ZPBP: variants seen among roughly 807,000 people sequenced by gnomAD.
ZPBP encodes zona pellucida binding protein.
A neutral mutation model predicts 44.8 loss-of-function variants in ZPBP; 26 were observed. The ratio of observed to expected loss-of-function variants is 0.58; its 90% CI spans 0.43 to 0.81. The LOEUF (loss-of-function observed/expected upper bound fraction) is 0.81, where lower values mean the gene tolerates loss of function less well. Among genes scored for constraint, ZPBP ranks in the 30% least tolerant of loss-of-function variants. ZPBP has a pLI of 0.00. For missense variants in ZPBP, 409 were observed against 434.0 expected (o/e 0.94, Z 0.51); for synonymous variants, 174 against 153.2 (o/e 1.14, Z -1.00).
chr7:49,958,815 C>G (rs1011523045), intron 7 of ZPBP, among the ~76,000 whole-genome samples: 4 of 152,144 alleles, frequency 2.6e-5, no homozygotes, highest in Non-Finnish European at 5.9e-5. Flanking sequence ...TAATATCAAT[C>G]CTATAGAAGC....
intron 1 of ZPBP, among the ~76,000 whole-genome samples, chr7:49,922,400 A>T (rs2128747615): frequency 6.6e-6 from 1 of 152,316 alleles, no homozygotes; most frequent in East Asian, 1.9e-4. Flanking sequence ...AAAACCAAAA[A>T]GTATTTTTTC....
intron 6 of ZPBP, among the ~76,000 whole-genome samples, chr7:50,006,515 G>A (rs922099961): frequency 1.1e-4 from 17 of 151,956 alleles, no homozygotes; most frequent in Non-Finnish European, 1.8e-4. Context: ...AAACACAAAA[G>A]GGTCAGAGAA....
intron 4 of ZPBP, among the ~76,000 whole-genome samples, chr7:50,041,194 A>C (rs1326224331): frequency 6.6e-6 from 1 of 152,182 alleles, no homozygotes; most frequent in African/African-American, 2.4e-5. Flanking sequence ...TCTCCCTGGG[A>C]CAGAGCACCT....
intron 5 of ZPBP, among the ~76,000 whole-genome samples, chr7:50,025,672 C>T (rs1911770): frequency 0.5 from 75,222 of 151,470 alleles, 19,284 homozygotes; most frequent in East Asian, 0.67. Flanking sequence ...AACTGGAAAG[C>T]TGGAAACAAA....
In ZPBP at chr7:49,888,276, T is replaced by C. The variant is rs187177444; in HGVS notation, n.509+12842A>G. Reference sequence around the variant, plus strand: ...GGTTTAATCCTGCTCCTAATTCTACTTTTCCTTATTTGTTCACAGTAACTT... The same window carrying C: ...GGTTTAATCCTGCTCCTAATTCTACCTTTCCTTATTTGTTCACAGTAACTT... On this transcript the variant is annotated intron_variant and non_coding_transcript_variant, in intron 2 of 2. Coordinates refer to the ZPBP transcript ENST00000465922. Among the ~76,000 whole-genome samples, 5 of 152,350 alleles carry C rather than the reference T, an allele frequency of 3.3e-5. No individual in the cohort carries two copies. In the East Asian group the frequency reaches 9.6e-4, roughly 29 times the overall value.
intron 7 of ZPBP, among the ~76,000 whole-genome samples, chr7:49,939,708 G>T (rs1367204257): frequency 6.6e-6 from 1 of 151,952 alleles, no homozygotes; most frequent in Non-Finnish European, 1.5e-5. Flanking sequence ...TAAAAGTAAC[G>T]ATTGTGTAAA....
chr7:49,904,679 C>T lies in ZPBP; in HGVS notation n.412-3464G>A, dbSNP rs539931153. The stretch of plus-strand genomic sequence containing the variant: ...AACTTACCTATTACAAGAGCAGTAA[C>T]TTTACATCATAACTAAATATTTGAA... On this transcript the variant is annotated intron_variant and non_coding_transcript_variant, in intron 1 of 2. Transcript: ENST00000465922. Among the ~76,000 whole-genome samples the T allele has an allele frequency of 1.7e-4, 26 of 151,664 alleles. No individual in the cohort carries two copies. In the South Asian group the frequency reaches 5.0e-3, roughly 29 times the overall value.
At chr7:49,954,608 C>A (rs1007415232) in intron 7 of ZPBP, among the ~76,000 whole-genome samples, 3 of 152,010 alleles carry the variant, frequency 2.0e-5, no homozygotes, top group African/African-American at 7.2e-5. Context: ...ACAAAATAGG[C>A]TTCAATGTAA....
intron 7 of ZPBP, among the ~76,000 whole-genome samples, chr7:49,972,426 G>A (rs1796337477): frequency 6.6e-6 from 1 of 151,962 alleles, no homozygotes; most frequent in Non-Finnish European, 1.5e-5. Context: ...AACAACAGCT[G>A]CATTTCTGTA....
At chr7:50,030,485 C>A (rs1799554685) in intron 5 of ZPBP, among the ~76,000 whole-genome samples, 1 of 141,344 alleles carries the variant, frequency 7.1e-6, no homozygotes. Context: ...ACTCTGATAG[C>A]AGAGAAATAA....
At chr7:50,014,951 GAA>G (rs1227695558) in intron 6 of ZPBP, among the ~76,000 whole-genome samples, 1 of 152,090 alleles carries the variant, frequency 6.6e-6, no homozygotes, top group Non-Finnish European at 1.5e-5. Flanking sequence ...TACTAAAGTT[GAA>G]AGGCAAATGA....
intron 2 of ZPBP, among the ~76,000 whole-genome samples, chr7:49,898,135 A>ATG (rs1189734778): frequency 1.3e-5 from 2 of 151,396 alleles, no homozygotes; most frequent in African/African-American, 2.4e-5. Flanking sequence ...GTGTGTATGT[A>ATG]TGTGTGTGTG....
chr7:49,957,471 C>T (rs1795658635), intron 7 of ZPBP, among the ~76,000 whole-genome samples: 1 of 152,136 alleles, frequency 6.6e-6, no homozygotes, highest in Non-Finnish European at 1.5e-5. Context: ...GGTCTCTGTT[C>T]CCTGCATTCT....
At chr7:49,965,344 G>A (rs915389524) in intron 7 of ZPBP, among the ~76,000 whole-genome samples, 2 of 151,814 alleles carry the variant, frequency 1.3e-5, no homozygotes, top group Non-Finnish European at 2.9e-5. Flanking sequence ...AAAAGACAGA[G>A]GAGGGGCAAC....
intron 7 of ZPBP, among the ~76,000 whole-genome samples, chr7:49,940,524 A>T (rs1044282296): frequency 3.9e-5 from 6 of 151,982 alleles, no homozygotes; most frequent in Non-Finnish European, 8.8e-5. Context: ...AAGAACTTCC[A>T]GTGAACTAGG....
chr7:50,072,676 A>G (rs1801904576), intron 3 of ZPBP, among the ~76,000 whole-genome samples: 1 of 152,246 alleles, frequency 6.6e-6, no homozygotes, highest in South Asian at 2.1e-4. Context: ...AGGGAAGAAA[A>G]CAAGAATCCC....
At chr7:50,055,163 G>A (rs567307732) in intron 4 of ZPBP, among the ~76,000 whole-genome samples, 1 of 152,212 alleles carries the variant, frequency 6.6e-6, no homozygotes, top group South Asian at 2.1e-4. Context: ...ATGGTGGGGG[G>A]TATGGTGTAT....
intron 3 of ZPBP, among the ~76,000 whole-genome samples, chr7:50,081,329 G>A (rs1802340682): frequency 6.6e-6 from 1 of 151,614 alleles, no homozygotes; most frequent in Admixed American, 6.6e-5. Flanking sequence ...TTTTTGCAAG[G>A]CAAGAAACAA....
Position 50,071,607 on chromosome 7 carries a change from C to T in ZPBP, c.334+10167G>A, listed in dbSNP as rs367630845. Among the ~76,000 whole-genome samples, 4 of 152,112 alleles carry T rather than the reference C, an allele frequency of 2.6e-5. No individual in the cohort carries two copies. In the South Asian group the frequency reaches 6.2e-4, roughly 24 times the overall value. On this transcript the variant is annotated intron_variant, in intron 3 of 7. Transcript: ENST00000046087. ...CCACAGTTTGCAGCTCCAAAAGGCA[C>T]CCCTTCTTTCCACCTGAGGAGAGGA...
Sources: allele counts gnomAD v4.1 joint callset (sites outside exome capture counted in the v4.1 genomes callset), GRCh38; gene constraint gnomAD v4.1.1; transcripts MANE v1.5; gene names NCBI Gene and HGNC (gene_info 2026-07-23, HGNC 2026-07-21).